NFATC2: variants seen among roughly 807,000 people sequenced by gnomAD.
NFATC2 encodes the protein nuclear factor of activated T-cells, cytoplasmic 2.
In NFATC2, 22 loss-of-function variants were observed where a neutral mutation model predicts 87.3. The ratio of observed to expected loss-of-function variants is 0.25; its 90% CI spans 0.18 to 0.36. The LOEUF (loss-of-function observed/expected upper bound fraction) is 0.36, where lower values mean the gene tolerates loss of function less well. Ranked by LOEUF, NFATC2 falls within the 10% of genes least tolerant of loss-of-function variation. The pLI, the probability that NFATC2 is intolerant of heterozygous loss-of-function variation, is 1.00. For missense variants in NFATC2, 1,149 were observed against 1,259.1 expected, an observed-to-expected ratio of 0.91 and a Z score of 1.32; for synonymous variants, 565 against 542.2, an observed-to-expected ratio of 1.04 and a Z score of -0.58.
chr20:51,465,072 C>A (rs1323728169), intron 5 of NFATC2, among the ~76,000 whole-genome samples: 1 of 152,218 alleles, frequency 6.6e-6, no homozygotes, highest in Non-Finnish European at 1.5e-5. Context: ...ATGTGCTAGG[C>A]TGTGTGCTAA....
intron 9 of NFATC2, among the ~76,000 whole-genome samples, chr20:51,400,938 C>A (rs114098986): frequency 0.012 from 1,762 of 152,006 alleles, 32 homozygotes; most frequent in African/African-American, 0.033. Flanking sequence ...TTCTGGCTGC[C>A]CTGGGGCCTC....
intron 5 of NFATC2, among the ~76,000 whole-genome samples, chr20:51,462,904 G>A (rs910971230): frequency 2.6e-5 from 4 of 152,304 alleles, no homozygotes; most frequent in East Asian, 3.9e-4. Flanking sequence ...GGGGGATTCC[G>A]CTACCCCATG....
chr20:51,447,086 GAA>G (rs3838020), intron 6 of NFATC2, among the ~76,000 whole-genome samples: 79 of 151,216 alleles, frequency 5.2e-4, no homozygotes, highest in African/African-American at 1.6e-3. Flanking sequence ...ACTTAATTTA[GAA>G]AAAAAAAAAT....
intron 9 of NFATC2, among the ~76,000 whole-genome samples, chr20:51,402,479 G>GAA (rs11453961): frequency 2.8e-3 from 410 of 147,854 alleles, no homozygotes; most frequent in South Asian, 3.8e-3. Flanking sequence ...GCTGCCTTTG[G>GAA]AAAAAAAAAA....
At chr20:51,549,455 A>G (rs1010580674) in intron 1 of NFATC2, among the ~76,000 whole-genome samples, 5 of 152,316 alleles carry the variant, frequency 3.3e-5, no homozygotes, top group East Asian at 1.9e-4. Flanking sequence ...GTTCTTTACA[A>G]CAAGACTGGT....
At chr20:51,549,561 G>T (rs974394102) in intron 1 of NFATC2, among the ~76,000 whole-genome samples, 10 of 152,236 alleles carry the variant, frequency 6.6e-5, no homozygotes, top group African/African-American at 2.4e-4. Flanking sequence ...GAGTGATCTT[G>T]TGATACATTA....
chr20:51,421,091 A>AC (rs1470546208), intron 9 of NFATC2, among the ~76,000 whole-genome samples: 1 of 151,900 alleles, frequency 6.6e-6, no homozygotes, highest in Admixed American at 6.6e-5. Context: ...AAAAAAAACA[A>AC]AAAAAACTAA....
intron 3 of NFATC2, among the ~76,000 whole-genome samples, chr20:51,503,025 C>T (rs1335074908): frequency 6.6e-6 from 1 of 152,106 alleles, no homozygotes; most frequent in Non-Finnish European, 1.5e-5. Flanking sequence ...GAGCAGTATG[C>T]CAAATCCTTC....
chr20:51,442,480 A>T (rs77641375), intron 6 of NFATC2, among the ~76,000 whole-genome samples: 1 of 152,162 alleles, frequency 6.6e-6, no homozygotes, highest in African/African-American at 2.4e-5. Context: ...TTTTAAAAAA[A>T]TGCTGCAGAC....
chr20:51,417,774 ACTCAGTGGATAT>A (rs1980251845), intron 9 of NFATC2, among the ~76,000 whole-genome samples: 2 of 152,136 alleles, frequency 1.3e-5, no homozygotes, highest in South Asian at 4.1e-4. Context: ...CACTTTACAT[ACTCAGTGGATAT>A]CTGTTCAAAG....
At chr20:51,431,187 A>G (rs1982652181) in intron 9 of NFATC2, among the ~76,000 whole-genome samples, 1 of 152,178 alleles carries the variant, frequency 6.6e-6, no homozygotes, top group Non-Finnish European at 1.5e-5. Context: ...TTAAAAGAAA[A>G]ATGAAGGTAA....
At chr20:51,454,464 C>G (rs796837047) in intron 6 of NFATC2, 84 bp downstream of exon 6, 15 of 1,529,300 alleles carry the variant, frequency 9.8e-6, no homozygotes, top group East Asian at 4.5e-5. Flanking sequence ...ATCTACCCCC[C>G]AAAACCAAAG....
intron 1 of NFATC2, among the ~76,000 whole-genome samples, chr20:51,533,656 C>T (rs890460896): frequency 4.6e-5 from 7 of 152,238 alleles, no homozygotes; most frequent in African/African-American, 1.7e-4. Flanking sequence ...CTGCCTTCCC[C>T]AGACGGGGCT....
rs139328059 is a variant in NFATC2, at chr20:51,471,768, A to T, written c.1708+2212T>A. Among the ~76,000 whole-genome samples the T allele has an allele frequency of 3.9e-3, 591 of 152,362 alleles. 5 individuals are homozygous for T. Among genetic ancestry groups the T allele is most frequent in the African/African-American group, 0.013 (550 of 41,590 alleles). On this transcript the variant is annotated intron_variant, in intron 5 of 10. Coordinates refer to ENST00000371564, the MANE Select transcript of NFATC2 (RefSeq NM_012340.5). The stretch of plus-strand genomic sequence containing the variant: ...TTAGTCTTCAGACTATCTCTGATTA[A>T]CAGAAGCTATCTGCAGATATTTTCT...
chr20:51,442,763 G>A (rs1984534457), intron 6 of NFATC2, among the ~76,000 whole-genome samples: 3 of 131,768 alleles, frequency 2.3e-5, no homozygotes, highest in South Asian at 4.6e-4. Context: ...TGACTTTCCT[G>A]TCTCTTGGGA....
chr20:51,467,299 G>C (rs147361895), intron 5 of NFATC2, among the ~76,000 whole-genome samples: 1 of 152,116 alleles, frequency 6.6e-6, no homozygotes, highest in African/African-American at 2.4e-5. Context: ...GCTCACGCCC[G>C]TAATCCCAAC....
Position 51,523,546 on chromosome 20 carries a change from A to T in NFATC2, c.695T>A (p.Leu232Gln). The stretch of plus-strand genomic sequence containing the variant: ...ACGGGGCACGGGCGAGTGGCGGCCC[A>T]GGCAGCTGTCCTCGGCGAGGCTGGT... ...PRTSLAEDSCLGRHSPVPRPA... is the reference protein window; with the variant it reads ...PRTSLAEDSCQGRHSPVPRPA... Residue 232 changes from leucine to glutamine, a missense_variant, in exon 2 of 11, where the codon CTG becomes CAG. By Grantham distance (113) the Leu-to-Gln change is moderately radical. Coordinates refer to ENST00000371564, the MANE Select transcript of NFATC2 (RefSeq NM_012340.5). The surrounding 1 kb of genome is among the most constrained non-coding windows in gnomAD (Gnocchi z 6.9). The T allele has an allele frequency of 6.2e-7, 1 of 1,613,560 alleles. No individual in the cohort carries two copies. The highest frequency in any genetic ancestry group is 1.3e-5 in the African/African-American group (1 of 74,962).
chr20:51,443,683 C>T (rs1984668707), intron 6 of NFATC2, among the ~76,000 whole-genome samples: 3 of 152,158 alleles, frequency 2.0e-5, no homozygotes, highest in Admixed American at 1.3e-4. Context: ...GACCTACCCC[C>T]GTGGAACAGG....
chr20:51,469,876 G>C (rs113446351), intron 5 of NFATC2, among the ~76,000 whole-genome samples: 3 of 152,206 alleles, frequency 2.0e-5, no homozygotes, highest in Non-Finnish European at 4.4e-5. Context: ...CTGGCCTCCA[G>C]AACAGTGAGA....
Sources: allele counts gnomAD v4.1 joint callset (sites outside exome capture counted in the v4.1 genomes callset), GRCh38; gene constraint gnomAD v4.1.1; non-coding constraint Gnocchi (gnomAD v3.1); transcripts MANE v1.5; gene names NCBI Gene and HGNC (gene_info 2026-07-23, HGNC 2026-07-21).